PCDH9: variants seen among roughly 807,000 people sequenced by gnomAD.
The protein encoded by PCDH9 is protocadherin-9.
Under a neutral mutation model 70.6 loss-of-function variants are expected in PCDH9, and 24 were observed. That is an observed-to-expected ratio of 0.34 (90% confidence interval 0.25 to 0.48). PCDH9 has a LOEUF of 0.48. PCDH9 is among the 20% of genes least tolerant of loss of function. The probability of loss-of-function intolerance (pLI) is 0.99; values close to 1 mark genes in which losing one functional copy is unlikely to be tolerated. For synonymous variants in PCDH9, 562 were observed against 558.5 expected, an observed-to-expected ratio of 1.01 and a Z score of -0.09; for missense variants, 1,281 against 1,503.6, an observed-to-expected ratio of 0.85 and a Z score of 2.45.
At chr13:67,110,234 A>C (rs997455465) in intron 2 of PCDH9, among the ~76,000 whole-genome samples, 3 of 151,952 alleles carry the variant, frequency 2.0e-5, no homozygotes, top group Non-Finnish European at 2.9e-5. Context: ...AAAAAGAGAG[A>C]GAGATACGGC....
chr13:66,743,914 A>G (rs1015177307), intron 3 of PCDH9, among the ~76,000 whole-genome samples: 2 of 152,174 alleles, frequency 1.3e-5, no homozygotes, highest in Non-Finnish European at 2.9e-5. Flanking sequence ...CTGCTCTTAA[A>G]ATGGCTTAAA....
chr13:66,670,949 T>C (rs2078166305), intron 3 of PCDH9, among the ~76,000 whole-genome samples: 2 of 149,108 alleles, frequency 1.3e-5, no homozygotes, highest in Admixed American at 1.3e-4. Flanking sequence ...AGTTGGGTGA[T>C]ATGGTTTGGC....
chr13:66,558,352 A>G (rs1205440966), intron 4 of PCDH9, among the ~76,000 whole-genome samples: 1 of 152,098 alleles, frequency 6.6e-6, no homozygotes, highest in African/African-American at 2.4e-5. Flanking sequence ...AAAAATTAGC[A>G]TAGTCATAAA....
chr13:66,456,499 A>C (rs1958319163), intron 4 of PCDH9, among the ~76,000 whole-genome samples: 1 of 152,054 alleles, frequency 6.6e-6, no homozygotes, highest in Admixed American at 6.6e-5. Context: ...GGCCTCAAGC[A>C]ATCTTCCCAC....
intron 2 of PCDH9, among the ~76,000 whole-genome samples, chr13:67,160,895 A>G (rs2087940116): frequency 6.6e-6 from 1 of 152,222 alleles, no homozygotes; most frequent in Admixed American, 6.5e-5. Flanking sequence ...CAGTTTGTGG[A>G]ATAGTCAAAC....
intron 4 of PCDH9, among the ~76,000 whole-genome samples, chr13:66,513,435 G>A (rs909277888): frequency 1.1e-4 from 16 of 151,622 alleles, no homozygotes; most frequent in African/African-American, 2.9e-4. Context: ...GAATTGCCAC[G>A]TTTTACATAA....
At chr13:66,540,172 G>A (rs1960890162) in intron 4 of PCDH9, among the ~76,000 whole-genome samples, 1 of 151,826 alleles carries the variant, frequency 6.6e-6, no homozygotes, top group African/African-American at 2.4e-5. Flanking sequence ...ATTGTTCCTG[G>A]CAAAGTTTAG....
At chr13:66,536,921 A>G (rs1436351052) in intron 4 of PCDH9, among the ~76,000 whole-genome samples, 1 of 152,120 alleles carries the variant, frequency 6.6e-6, no homozygotes, top group Non-Finnish European at 1.5e-5. Flanking sequence ...TGAGTTTCCT[A>G]TGACTCAGTC....
chr13:66,698,878 C>T (rs1375615671), intron 3 of PCDH9, among the ~76,000 whole-genome samples: 6 of 146,290 alleles, frequency 4.1e-5, no homozygotes, highest in South Asian at 2.2e-4. Context: ...TGAGACACTT[C>T]GCCCGGCTCA....
intron 2 of PCDH9, among the ~76,000 whole-genome samples, chr13:67,064,444 G>A (rs1302305795): frequency 6.6e-6 from 1 of 151,900 alleles, no homozygotes; most frequent in Non-Finnish European, 1.5e-5. Flanking sequence ...TTATTTAAAT[G>A]GTATAAAATA....
chr13:66,802,788 CTTTAT>C (rs2080347410), intron 3 of PCDH9, among the ~76,000 whole-genome samples: 1 of 151,910 alleles, frequency 6.6e-6, no homozygotes, highest in Non-Finnish European at 1.5e-5. Context: ...ACAGTTTTCT[CTTTAT>C]TTTATTATTT....
At chr13:66,333,969 A>T (rs1489592467) in intron 4 of PCDH9, among the ~76,000 whole-genome samples, 1 of 152,136 alleles carries the variant, frequency 6.6e-6, no homozygotes, top group African/African-American at 2.4e-5. Flanking sequence ...TGATACATGC[A>T]TACAATGTGT....
intron 2 of PCDH9, among the ~76,000 whole-genome samples, chr13:66,974,345 C>T (rs2083578086): frequency 6.6e-6 from 1 of 151,946 alleles, no homozygotes; most frequent in Admixed American, 6.6e-5. Flanking sequence ...CCTGACCTAA[C>T]CCCTTTCTCT....
chr13:67,075,714 T>G (rs929384262), intron 2 of PCDH9, among the ~76,000 whole-genome samples: 1 of 152,136 alleles, frequency 6.6e-6, no homozygotes, highest in East Asian at 1.9e-4. Context: ...CAAGATCTAG[T>G]GTTTTTCTTA....
intron 3 of PCDH9, among the ~76,000 whole-genome samples, chr13:66,699,774 T>G (rs1009767974): frequency 2.0e-5 from 3 of 152,188 alleles, no homozygotes; most frequent in Admixed American, 6.5e-5. Context: ...GGTCATTTGC[T>G]ATGGCCACCC....
intron 2 of PCDH9, among the ~76,000 whole-genome samples, chr13:67,052,637 C>T (rs1221733616): frequency 1.3e-5 from 2 of 151,920 alleles, no homozygotes; most frequent in Admixed American, 6.6e-5. Context: ...GAGGGAGGTG[C>T]AGCCATTCAG....
At chr13:66,944,669 A>G (rs1191208025) in intron 2 of PCDH9, among the ~76,000 whole-genome samples, 2 of 152,110 alleles carry the variant, frequency 1.3e-5, no homozygotes, top group Non-Finnish European at 2.9e-5. Context: ...TTCATGCTCT[A>G]TATTTAGTGG....
chr13:66,439,601 T>C (rs1337202280), intron 4 of PCDH9, among the ~76,000 whole-genome samples: 2 of 152,210 alleles, frequency 1.3e-5, no homozygotes, highest in African/African-American at 2.4e-5. Flanking sequence ...GCTTGTTGCA[T>C]GGTGAGCATC....
At chr13:66,535,746 T>G (rs1319670474) in intron 4 of PCDH9, among the ~76,000 whole-genome samples, 2 of 152,098 alleles carry the variant, frequency 1.3e-5, no homozygotes, top group Non-Finnish European at 1.5e-5. Context: ...TCTTCTTTTA[T>G]GTTCATCTAA....
Sources: allele counts gnomAD v4.1 joint callset (sites outside exome capture counted in the v4.1 genomes callset), GRCh38; gene constraint gnomAD v4.1.1; transcripts MANE v1.5; gene names NCBI Gene and HGNC (gene_info 2026-07-23, HGNC 2026-07-21).